The following RBFOX1 variants were observed in gnomAD, a reference collection of about 807,000 sequenced individuals.
RBFOX1 encodes RNA binding fox-1 homolog 1.
In RBFOX1, 8 loss-of-function variants were observed where a neutral mutation model predicts 57.7. That is an observed-to-expected ratio of 0.14 (90% CI 0.08 to 0.25). The LOEUF (loss-of-function observed/expected upper bound fraction) is 0.25. Ranked by LOEUF, RBFOX1 falls within the 10% of genes least tolerant of loss-of-function variation. The pLI is 1.00. For synonymous variants in RBFOX1, 326 were observed against 222.4 expected (o/e 1.47, Z -4.15); for missense variants, 611 against 548.5 (o/e 1.11, Z -1.14).
At chr16:6,677,315 C>T (rs902648766) in intron 3 of RBFOX1, among the ~76,000 whole-genome samples, 1 of 152,132 alleles carries the variant, frequency 6.6e-6, no homozygotes, top group East Asian at 1.9e-4. Flanking sequence ...TTCCTTAAGG[C>T]CCTTTTGTAA....
At chr16:6,601,028 G>A (rs913578849) in intron 2 of RBFOX1, among the ~76,000 whole-genome samples, 4 of 152,000 alleles carry the variant, frequency 2.6e-5, no homozygotes, top group East Asian at 1.9e-4. Flanking sequence ...GAAGGTAGAG[G>A]AATGAAAGAA....
At chr16:5,486,663 C>G (rs1209719633) in intron 2 of RBFOX1, among the ~76,000 whole-genome samples, 1 of 152,164 alleles carries the variant, frequency 6.6e-6, no homozygotes, top group Non-Finnish European at 1.5e-5. Context: ...AGGTCTCAGT[C>G]TTGTGCCCTG....
chr16:6,530,587 A>C (rs1171695229), intron 2 of RBFOX1, among the ~76,000 whole-genome samples: 3 of 152,176 alleles, frequency 2.0e-5, no homozygotes, highest in African/African-American at 4.8e-5. Flanking sequence ...CATACCTGAA[A>C]CTGGGTAATT....
chr16:7,636,765 C>T (rs1014161671), intron 11 of RBFOX1, among the ~76,000 whole-genome samples: 11 of 152,082 alleles, frequency 7.2e-5, no homozygotes, highest in South Asian at 2.1e-4. Context: ...AGTTAGGTTC[C>T]GGTGAGGGCT....
intron 3 of RBFOX1, among the ~76,000 whole-genome samples, chr16:6,874,353 A>T (rs2153276394): frequency 6.6e-6 from 1 of 152,000 alleles, no homozygotes; most frequent in South Asian, 2.1e-4. Flanking sequence ...TCCACTAAAA[A>T]TACAAAATTA....
At chr16:5,604,682 A>G (rs1456081909), downstream of RBFOX1, among the ~76,000 whole-genome samples, 1 of 152,158 alleles carries the variant, frequency 6.6e-6, no homozygotes, top group Non-Finnish European at 1.5e-5. Context: ...AGGTCTGTCC[A>G]TGCTGATACA....
At chr16:5,967,823 CATCAATTCGGATAT>C in intron 4 of RBFOX1, among the ~76,000 whole-genome samples, 17 of 152,262 alleles carry the variant, frequency 1.1e-4, no homozygotes, top group African/African-American at 4.1e-4. Context: ...TTTTTACTAC[CATCAATTCGGATAT>C]CTGAAAGCAG....
At chr16:6,704,031 C>T (rs968140856) in intron 3 of RBFOX1, 1 of 152,394 alleles carries the variant, frequency 6.6e-6, no homozygotes, top group Admixed American at 6.5e-5. Context: ...TCCTTGCTCT[C>T]CATCTAATTC....
At chr16:6,986,935 C>A (rs1052381765) in intron 3 of RBFOX1, among the ~76,000 whole-genome samples, 2 of 152,114 alleles carry the variant, frequency 1.3e-5, no homozygotes, top group African/African-American at 4.8e-5. Flanking sequence ...GCTCACCTGC[C>A]CACCCCGCCT....
At chr16:5,454,744 T>TTTCTTTTTCTTTTCTTTCTTTCC (rs1555523983) in intron 1 of RBFOX1, among the ~76,000 whole-genome samples, 22 of 118,772 alleles carry the variant, frequency 1.9e-4, no homozygotes, top group African/African-American at 4.7e-4. Context: ...TCTTTCTTTC[T>TTTCTTTTTCTTTTCTTTCTTTCC]TTTTCTTTTC....
chr16:7,433,069 T>A (rs2098694886), intron 4 of RBFOX1, among the ~76,000 whole-genome samples: 1 of 152,200 alleles, frequency 6.6e-6, no homozygotes, highest in African/African-American at 2.4e-5. Flanking sequence ...CCCAGGATTC[T>A]TTCTCAGCAG....
At chr16:5,970,085 T>C (rs1364701550) in intron 4 of RBFOX1, among the ~76,000 whole-genome samples, 1 of 152,128 alleles carries the variant, frequency 6.6e-6, no homozygotes, top group Non-Finnish European at 1.5e-5. Context: ...TTGGTCACGA[T>C]GGGTGTCTCC....
chr16:5,544,499 A>T (rs1404569941), intron 2 of RBFOX1, among the ~76,000 whole-genome samples: 1 of 152,204 alleles, frequency 6.6e-6, no homozygotes, highest in Non-Finnish European at 1.5e-5. Context: ...AATGAAAAGA[A>T]CAAAATCAAC....
intron 1 of RBFOX1, among the ~76,000 whole-genome samples, chr16:5,463,124 C>T (rs527565141): frequency 3.3e-5 from 5 of 152,260 alleles, no homozygotes; most frequent in South Asian, 2.1e-4. Context: ...GAAGAATACA[C>T]GTCAACCTTG....
intron 1 of RBFOX1, among the ~76,000 whole-genome samples, chr16:5,432,537 G>GT (rs796803782): frequency 0.037 from 4,031 of 109,186 alleles, 163 homozygotes; most frequent in African/African-American, 0.088. Context: ...CAACTGGGGA[G>GT]TTTTTTTTTT....
intron 2 of RBFOX1, among the ~76,000 whole-genome samples, chr16:6,426,622 C>G (rs1297444877): frequency 1.3e-5 from 2 of 152,064 alleles, no homozygotes; most frequent in Non-Finnish European, 2.9e-5. Flanking sequence ...CAGAACGACA[C>G]CTTGTCTCAA....
intron 2 of RBFOX1, among the ~76,000 whole-genome samples, chr16:6,505,476 A>G (rs1490157932): frequency 6.6e-6 from 1 of 152,212 alleles, no homozygotes; most frequent in Non-Finnish European, 1.5e-5. Flanking sequence ...TAAAATCAGA[A>G]TTGAAAAATA....
intron 3 of RBFOX1, among the ~76,000 whole-genome samples, chr16:6,803,063 A>G (rs1221608218): frequency 6.6e-6 from 1 of 152,154 alleles, no homozygotes; most frequent in Non-Finnish European, 1.5e-5. Context: ...TCAAAATGTT[A>G]CTTTGTGTGT....
chr16:6,007,641 T>C (rs549795352), intron 4 of RBFOX1, among the ~76,000 whole-genome samples: 1 of 152,334 alleles, frequency 6.6e-6, no homozygotes, highest in African/African-American at 2.4e-5. Flanking sequence ...ACAGTGGATA[T>C]TTTGTTTCCA....
Sources: allele counts gnomAD v4.1 joint callset (sites outside exome capture counted in the v4.1 genomes callset), GRCh38; gene constraint gnomAD v4.1.1; transcripts MANE v1.5; gene names NCBI Gene and HGNC (gene_info 2026-07-23, HGNC 2026-07-21).